IHO1: variants seen among roughly 807,000 people sequenced by gnomAD.
The protein encoded by IHO1 is interactor of HORMAD1 protein 1.
IHO1 carries 13 observed loss-of-function variants against 31.0 expected under a neutral mutation model. The observed-to-expected ratio is 0.42, with a 90% CI of 0.27 to 0.67. The LOEUF is 0.67. Ranked by LOEUF, IHO1 falls within the 30% of genes least tolerant of loss-of-function variation. IHO1 has a pLI of 0.24. For missense variants in IHO1, 599 were observed against 687.5 expected, an observed-to-expected ratio of 0.87 and a Z score of 1.44; for synonymous variants, 221 against 248.4, an observed-to-expected ratio of 0.89 and a Z score of 1.04.
At chr3:49,193,891 G>A (rs948739845), upstream of IHO1, among the ~76,000 whole-genome samples, 11 of 151,300 alleles carry the variant, frequency 7.3e-5, no homozygotes, top group African/African-American at 1.9e-4. Flanking sequence ...GAACCCGGGA[G>A]GCAGAGGTTG....
the IHO1 span, chr3:49,191,683 A>T: frequency 6.5e-7 from 1 of 1,546,436 alleles, no homozygotes; most frequent in Non-Finnish European, 8.8e-7. Flanking sequence ...GGCATGACTC[A>T]GTCAGATTTC....
chr3:49,219,210 C>T (rs2046323133), intron 2 of IHO1, among the ~76,000 whole-genome samples: 2 of 152,178 alleles, frequency 1.3e-5, no homozygotes, highest in Non-Finnish European at 2.9e-5. Flanking sequence ...ATCTCCACAG[C>T]AGTGTGACAT....
intron 2 of IHO1, among the ~76,000 whole-genome samples, chr3:49,219,967 C>T (rs552966414): frequency 6.6e-5 from 10 of 152,294 alleles, no homozygotes; most frequent in African/African-American, 2.4e-4. Flanking sequence ...CCCTTCTGCA[C>T]CCCCTCCTTA....
intron 1 of IHO1, among the ~76,000 whole-genome samples, chr3:49,202,493 TTTTGTGTGTGTGTGTG>T (rs1021397347): frequency 9.1e-6 from 1 of 110,234 alleles, no homozygotes; most frequent in African/African-American, 3.8e-5. Context: ...GCCCGGCTAA[TTTTGTGTGTGTGTGTG>T]TGTGTGTGTG....
At chr3:49,219,611 C>T (rs560546742) in intron 2 of IHO1, among the ~76,000 whole-genome samples, 1 of 152,174 alleles carries the variant, frequency 6.6e-6, no homozygotes, top group South Asian at 2.1e-4. Flanking sequence ...CTTCTAGTGC[C>T]GCTGGGTTAG....
chr3:49,234,669 G>A (rs540421827), intron 2 of IHO1, among the ~76,000 whole-genome samples: 21 of 152,182 alleles, frequency 1.4e-4, no homozygotes, highest in Admixed American at 3.9e-4. Context: ...AGGCCTATCT[G>A]TGATTGTTTT....
At chr3:49,223,546 C>T (rs917164683) in intron 2 of IHO1, among the ~76,000 whole-genome samples, 1 of 152,064 alleles carries the variant, frequency 6.6e-6, no homozygotes, top group Admixed American at 6.5e-5. Context: ...AAAAAATTAG[C>T]TGGGTGTGGT....
intron 1 of IHO1, 81 bp downstream of exon 1, chr3:49,199,654 C>G (rs2046027892): frequency 6.6e-6 from 1 of 152,368 alleles, no homozygotes; most frequent in Admixed American, 6.5e-5. Context: ...GGCCGTGGGT[C>G]TGGGTTCAGG....
Position 49,236,679 on chromosome 3 carries a change from C to T in IHO1, c.188C>T (p.Ala63Val). The T allele has an allele frequency of 6.2e-7, 1 of 1,613,994 alleles. No homozygotes were observed. ...ETLSAPLDFGAHLRHSKQSQQ... is the reference protein window; with the variant it reads ...ETLSAPLDFGVHLRHSKQSQQ... ...CTATCAGCACCCTTGGACTTTGGTGCCCACTTGAGACATTCAAAACAGTCA... is the reference window on the plus strand; with the variant it reads ...CTATCAGCACCCTTGGACTTTGGTGTCCACTTGAGACATTCAAAACAGTCA... Residue 63 changes from alanine to valine, a missense_variant, in exon 3 of 8, where the codon GCC becomes GTC. By Grantham distance (64) the Ala-to-Val change is moderately conservative. Coordinates refer to ENST00000452691, the MANE Select transcript of IHO1 (RefSeq NM_001135197.2).
the IHO1 span, chr3:49,191,600 T>C: frequency 4.6e-6 from 4 of 863,052 alleles, no homozygotes; most frequent in Non-Finnish European, 7.8e-6. Flanking sequence ...GACCTCAAGA[T>C]GGTGGAGAGG....
intron 1 of IHO1, among the ~76,000 whole-genome samples, chr3:49,208,567 G>T (rs534099795): frequency 2.6e-5 from 4 of 152,282 alleles, no homozygotes; most frequent in African/African-American, 9.6e-5. Flanking sequence ...TGCCAAAAAG[G>T]TTGGGAACTG....
chr3:49,235,062 G>A (rs984196308), intron 2 of IHO1, among the ~76,000 whole-genome samples: 2 of 151,810 alleles, frequency 1.3e-5, no homozygotes, highest in Admixed American at 6.6e-5. Context: ...GGTCAGGCTG[G>A]TCTCGAACTC....
intron 6 of IHO1, among the ~76,000 whole-genome samples, chr3:49,252,998 A>AC (rs974115984): frequency 2.0e-5 from 3 of 151,222 alleles, no homozygotes; most frequent in African/African-American, 7.3e-5. Flanking sequence ...CTGAGATTGC[A>AC]CTACTGCACT....
chr3:49,240,805 C>T (rs532327841), intron 3 of IHO1, among the ~76,000 whole-genome samples: 39 of 152,340 alleles, frequency 2.6e-4, no homozygotes, highest in African/African-American at 9.4e-4. Context: ...CACCATTTGT[C>T]AGCATGCCCA....
At chr3:49,220,955 G>A (rs555490805) in intron 2 of IHO1, among the ~76,000 whole-genome samples, 7 of 152,342 alleles carry the variant, frequency 4.6e-5, no homozygotes, top group Non-Finnish European at 5.9e-5. Context: ...GGACCCGAAC[G>A]GGTTGCCGCT....
intron 1 of IHO1, among the ~76,000 whole-genome samples, chr3:49,210,751 G>A (rs1316116883): frequency 6.9e-6 from 1 of 145,474 alleles, no homozygotes; most frequent in Admixed American, 6.9e-5. Flanking sequence ...AGGCTGGAGT[G>A]CAGTCGTGTG....
chr3:49,226,502 C>T lies in IHO1; in HGVS notation c.57-10046C>T, dbSNP rs184674605. ...AATTCATGGGCTTTTTCCTAATTCTCCTTAGTCCTTCTAGAACACAGGTCA... is the reference window on the plus strand; with the variant it reads ...AATTCATGGGCTTTTTCCTAATTCTTCTTAGTCCTTCTAGAACACAGGTCA... On this transcript the variant is annotated intron_variant, in intron 2 of 7. Transcript: ENST00000452691. Among the ~76,000 whole-genome samples the T allele has an allele frequency of 2.6e-3, 401 of 152,246 alleles. 2 individuals carry two copies. Among genetic ancestry groups the T allele is most frequent in the Admixed American group, 0.01 (159 of 15,280 alleles).
At chr3:49,228,492 CT>C in intron 2 of IHO1, 4 of 327,438 alleles carry the variant, frequency 1.2e-5, no homozygotes, top group South Asian at 1.0e-4. Flanking sequence ...CGAAAGGGGT[CT>C]GATGGTACTC....
chr3:49,201,577 C>T (rs778622735), intron 1 of IHO1, among the ~76,000 whole-genome samples: 1 of 152,122 alleles, frequency 6.6e-6, no homozygotes, highest in Non-Finnish European at 1.5e-5. Context: ...GAGCCAAGAT[C>T]GCGCCACTCC....
Sources: allele counts gnomAD v4.1 joint callset (sites outside exome capture counted in the v4.1 genomes callset), GRCh38; gene constraint gnomAD v4.1.1; transcripts MANE v1.5; gene names NCBI Gene and HGNC (gene_info 2026-07-23, HGNC 2026-07-21).